ZNF737: variants seen among roughly 807,000 people sequenced by gnomAD.
The protein encoded by ZNF737 is zinc finger protein 737.
Under a neutral mutation model 11.7 loss-of-function variants are expected in ZNF737, and 13 were observed. The observed-to-expected ratio is 1.11, with a 90% CI of 0.73 to 1.77. The LOEUF (loss-of-function observed/expected upper bound fraction) is 1.77, where lower values mean the gene tolerates loss of function less well. Among genes scored for constraint, ZNF737 ranks in the 40% most tolerant of loss-of-function variants. The probability of loss-of-function intolerance (pLI) is 0.00; values close to 1 mark genes in which losing one functional copy is unlikely to be tolerated. For synonymous variants in ZNF737, 217 were observed against 216.2 expected, an observed-to-expected ratio of 1.00 and a Z score of -0.03; for missense variants, 636 against 638.0, an observed-to-expected ratio of 1.00 and a Z score of 0.03.
In ZNF737 at chr19:20,541,678, G is replaced by A. The variant is rs1968211849; in HGVS notation, c.*2914C>T. Among the ~76,000 whole-genome samples, 1 of 152,074 alleles carries A rather than the reference G, an allele frequency of 6.6e-6. No homozygotes were observed. Among genetic ancestry groups the A allele is most frequent in the African/African-American group, 2.4e-5 (1 of 41,410 alleles). ...TAACCTCAAGCATTCCACCTGTCTC[G>A]GCCTCCCAAAGTGCTGGAATTACAG... is the stretch of plus-strand genomic sequence containing the variant. On this transcript the variant is annotated 3_prime_UTR_variant, in exon 4 of 4. Coordinates refer to ENST00000427401, the MANE Select transcript of ZNF737 (RefSeq NM_001159293.2).
At chr19:20,532,657 G>A (rs182983182), downstream of ZNF737, among the ~76,000 whole-genome samples, 1,481 of 149,792 alleles carry the variant, frequency 9.9e-3, 87 homozygotes, top group Non-Finnish European at 0.015. Context: ...GAACCTGGGT[G>A]TTTTTAATTC....
intron 1 of ZNF737, among the ~76,000 whole-genome samples, chr19:20,563,134 A>C: frequency 3.2e-5 from 1 of 31,628 alleles, no homozygotes. Flanking sequence ...GTGCCACAAA[A>C]CATAACAACT....
intron 3 of ZNF737, chr19:20,551,075 T>C (rs1968645636): frequency 6.6e-6 from 1 of 152,252 alleles, no homozygotes; most frequent in African/African-American, 2.4e-5. Flanking sequence ...AGAGGTTCAA[T>C]GACTCAGTTT....
At position 20,538,399 on chromosome 19, in the gene ZNF737, C is replaced by CTT. The variant is rs1451355681; in HGVS notation, c.*6191_*6192dup. Among the ~76,000 whole-genome samples, 1 of 152,096 alleles carries CTT rather than the reference C, an allele frequency of 6.6e-6. No homozygotes were observed. Among genetic ancestry groups the CTT allele is most frequent in the Non-Finnish European group, 1.5e-5 (1 of 68,032 alleles). On this transcript the variant is annotated 3_prime_UTR_variant, in exon 4 of 4. Transcript: ENST00000427401. ...CCTTTGTTCTCCTCTGCCTTTGTCT[C>CTT]TTTTAAAAAGTTCTAAGTTGCTAAA... is the stretch of plus-strand genomic sequence containing the variant.
chr19:20,565,196 A>G (rs1437351334), intron 1 of ZNF737, among the ~76,000 whole-genome samples: 4 of 152,144 alleles, frequency 2.6e-5, no homozygotes, highest in African/African-American at 9.7e-5. Flanking sequence ...CGGCCTCCCA[A>G]AGTGCTGGGA....
In ZNF737 at chr19:20,541,600, GT is replaced by G; in HGVS notation, c.*2991del. On this transcript the variant is annotated 3_prime_UTR_variant, in exon 4 of 4. Coordinates refer to ENST00000427401, the MANE Select transcript of ZNF737 (RefSeq NM_001159293.2). Reference sequence around the variant, plus strand: ...ATGTGCCACCATGCCTAATTTTTGTGTTTTTAGTAGAGACAAGGTTTCACCA... The same window carrying G: ...ATGTGCCACCATGCCTAATTTTTGTGTTTTAGTAGAGACAAGGTTTCACCA... 1 of 210,048 alleles carries G rather than the reference GT, an allele frequency of 4.8e-6. No individual in the cohort carries two copies. The highest frequency in any genetic ancestry group is 8.2e-6 in the Non-Finnish European group (1 of 121,218). The allele number at this position is 210,048 out of a possible 1,614,324, so 13.0% of individuals were successfully genotyped here. A position where few individuals can be genotyped will look rare whatever the true frequency, so the allele number is the denominator to read the frequency against.
In ZNF737 at chr19:20,542,551, C is replaced by T. The variant is rs1463819639; in HGVS notation, c.*2041G>A. 1.6e-5 allele frequency: 16 copies of T among 981,386 alleles called. No individual in the cohort carries two copies. The highest frequency in any genetic ancestry group is 1.9e-5 in the Non-Finnish European group (16 of 826,382). 60.8% of individuals were successfully genotyped at this position (981,386 alleles called of 1,614,324 possible). A position where few individuals can be genotyped will look rare whatever the true frequency, so the allele number is the denominator to read the frequency against. On this transcript the variant is annotated 3_prime_UTR_variant, in exon 4 of 4. Transcript: ENST00000427401. ...CCGGCCCTAACAGTTTTAAAATGCACTGCATTTTATTACATAAAAGTACAA... is the reference window on the plus strand; with the variant it reads ...CCGGCCCTAACAGTTTTAAAATGCATTGCATTTTATTACATAAAAGTACAA...
chr19:20,556,931 A>G (rs1487429715), intron 1 of ZNF737, among the ~76,000 whole-genome samples: 2 of 152,232 alleles, frequency 1.3e-5, no homozygotes, highest in Non-Finnish European at 2.9e-5. Context: ...AGGGTTTAAT[A>G]GTTTTCAAGA....
Position 20,543,736 on chromosome 19 carries a change from T to C in ZNF737, c.*856A>G, listed in dbSNP as rs1599403509. ...TTTCACACTAGTATAATTATTGTTA[T>C]GTGTAGAGAAGTTGGAGGTGTTCGT... On this transcript the variant is annotated 3_prime_UTR_variant, in exon 4 of 4. Transcript: ENST00000427401. 7 of 985,388 alleles carry C rather than the reference T, an allele frequency of 7.1e-6. No individual in the cohort carries two copies. Among genetic ancestry groups the C allele is most frequent in the Non-Finnish European group, 7.2e-6 (6 of 829,876 alleles). The allele number at this position is 985,388 out of a possible 1,614,324, so 61.0% of individuals were successfully genotyped here. A position where few individuals can be genotyped will look rare whatever the true frequency, so the allele number is the denominator to read the frequency against.
chr19:20,565,493 G>A (rs1969263646), intron 1 of ZNF737, 145 bp downstream of exon 1: 3 of 1,418,342 alleles, frequency 2.1e-6, no homozygotes, highest in Non-Finnish European at 3.0e-6. Flanking sequence ...TGGCTGAACG[G>A]GACTGAGGCC....
downstream of ZNF737, among the ~76,000 whole-genome samples, chr19:20,533,302 T>G (rs1555753211): frequency 1.3e-5 from 2 of 150,040 alleles, no homozygotes; most frequent in Non-Finnish European, 3.0e-5. Context: ...TATACATGTA[T>G]GAAAGGTTTT....
intron 2 of ZNF737, 96 bp from the exon 3 acceptor site, chr19:20,552,666 G>T: frequency 1.3e-6 from 1 of 742,752 alleles, no homozygotes; most frequent in Non-Finnish European, 2.0e-6. Context: ...AAATATTATA[G>T]TAAATTAATA....
the ZNF737 span, among the ~76,000 whole-genome samples, chr19:20,530,290 G>A: frequency 7.2e-6 from 1 of 139,502 alleles, no homozygotes; most frequent in African/African-American, 2.7e-5. Context: ...CTCCCGGATG[G>A]GGCAGCTGGC....
At chr19:20,534,689 G>C (rs1300925774), downstream of ZNF737, among the ~76,000 whole-genome samples, 1 of 149,742 alleles carries the variant, frequency 6.7e-6, no homozygotes, top group African/African-American at 2.5e-5. Flanking sequence ...TCTGGTAGTA[G>C]ATCAGCTTAA....
downstream of ZNF737, among the ~76,000 whole-genome samples, chr19:20,533,473 T>A (rs1245782224): frequency 6.7e-6 from 1 of 149,842 alleles, no homozygotes; most frequent in Non-Finnish European, 1.5e-5. Context: ...AACACAAACA[T>A]ATGAATGTGT....
intron 3 of ZNF737, among the ~76,000 whole-genome samples, chr19:20,548,666 T>G (rs1599414547): frequency 6.6e-6 from 1 of 151,532 alleles, no homozygotes; most frequent in Non-Finnish European, 1.5e-5. Context: ...CAAGCTGGAG[T>G]GTAGTTGTAC....
At chr19:20,534,066 C>G (rs1210970125), downstream of ZNF737, among the ~76,000 whole-genome samples, 1 of 150,124 alleles carries the variant, frequency 6.7e-6, no homozygotes, top group Non-Finnish European at 1.5e-5. Context: ...TGATTGGATT[C>G]TCCTGGGATG....
At position 20,543,259 on chromosome 19, in the gene ZNF737, A is replaced by G. The variant is rs1968294136; in HGVS notation, c.*1333T>C. On this transcript the variant is annotated 3_prime_UTR_variant, in exon 4 of 4. Coordinates refer to ENST00000427401, the MANE Select transcript of ZNF737 (RefSeq NM_001159293.2). The stretch of plus-strand genomic sequence containing the variant: ...TTTGTAGGACTCATCTCCAATATAA[A>G]TTCCCTGATGTTGAACAAACTTGAG... The G allele has an allele frequency of 1.0e-6, 1 of 985,298 alleles. No individual in the cohort carries two copies. The highest frequency in any genetic ancestry group is 1.2e-6 in the Non-Finnish European group (1 of 829,908). The allele number at this position is 985,298 out of a possible 1,614,324, so 61.0% of individuals were successfully genotyped here. A position where few individuals can be genotyped will look rare whatever the true frequency, so the allele number is the denominator to read the frequency against.
Position 20,538,491 on chromosome 19 carries a change from GA to G in ZNF737, c.*6100del, listed in dbSNP as rs1236392796. The stretch of plus-strand genomic sequence containing the variant: ...GAAAACCAGACACAGCAGTAGGGTG[GA>G]CACGTCAAGTTATAAATGACTCTGT... On this transcript the variant is annotated 3_prime_UTR_variant, in exon 4 of 4. Coordinates refer to ENST00000427401, the MANE Select transcript of ZNF737 (RefSeq NM_001159293.2). 1 of 206,226 alleles carries G rather than the reference GA, an allele frequency of 4.8e-6. No homozygotes were observed. Among genetic ancestry groups the G allele is most frequent in the East Asian group, 1.8e-4 (1 of 5,414 alleles). The allele number at this position is 206,226 out of a possible 1,614,324, so 12.8% of individuals were successfully genotyped here. A position where few individuals can be genotyped will look rare whatever the true frequency, so the allele number is the denominator to read the frequency against.
Sources: gnomAD v4.1 joint callset for allele counts (sites outside exome capture counted in the v4.1 genomes callset) on GRCh38, gnomAD v4.1.1 for gene constraint, MANE v1.5 for transcripts, NCBI Gene and HGNC (gene_info 2026-07-23, HGNC 2026-07-21) for gene names.